FERMT1: variants seen among roughly 807,000 people sequenced by gnomAD.
The protein encoded by FERMT1 is FERM domain containing kindlin 1.
Under a neutral mutation model 85.3 loss-of-function variants are expected in FERMT1, and 60 were observed. The observed-to-expected ratio is 0.70, with a 90% confidence interval of 0.57 to 0.87. The LOEUF is 0.87. Ranked by LOEUF, FERMT1 falls within the 40% of genes least tolerant of loss-of-function variation. The pLI is 0.00. For synonymous variants in FERMT1, 275 were observed against 301.1 expected (o/e 0.91, Z 0.90); for missense variants, 701 against 818.9 (o/e 0.86, Z 1.76).
chr20:6,109,697 C>G (rs149806201), intron 5 of FERMT1, among the ~76,000 whole-genome samples: 1 of 151,938 alleles, frequency 6.6e-6, no homozygotes, highest in Non-Finnish European at 1.5e-5. Context: ...GTCAGGAGTT[C>G]GAGACCAGCC....
At chr20:6,120,235 A>T (rs1186781805) in intron 1 of FERMT1, 1 of 152,214 alleles carries the variant, frequency 6.6e-6, no homozygotes, top group Non-Finnish European at 1.5e-5. Context: ...ATACATATAG[A>T]TACAGGTCAT....
chr20:6,093,438 T>C (rs78838006), intron 9 of FERMT1, among the ~76,000 whole-genome samples: 73 of 152,346 alleles, frequency 4.8e-4, no homozygotes, highest in African/African-American at 1.3e-3. Context: ...CCAGCATCAC[T>C]TTCTTCATCA....
chr20:6,107,826 AG>A (rs1387827123), intron 5 of FERMT1, among the ~76,000 whole-genome samples, 192 bp from the exon 6 acceptor site: 2 of 152,164 alleles, frequency 1.3e-5, no homozygotes, highest in East Asian at 3.9e-4. Context: ...CACTGACCTG[AG>A]GCTCAAAGGA....
At chr20:6,093,683 G>A (rs947414319) in intron 9 of FERMT1, among the ~76,000 whole-genome samples, 6 of 152,242 alleles carry the variant, frequency 3.9e-5, no homozygotes, top group East Asian at 1.9e-4. Flanking sequence ...CTGACCGGGC[G>A]TGGTGGCTCA....
At chr20:6,115,666 C>T (rs1384277360) in intron 3 of FERMT1, 145 bp downstream of exon 3, 1 of 706,608 alleles carries the variant, frequency 1.4e-6, no homozygotes, top group Non-Finnish European at 2.6e-6. Context: ...TAAATGGCTG[C>T]AATACCCAGA....
intron 14 of FERMT1, 57 bp from the exon 15 acceptor site, chr20:6,077,403 AG>A (rs1460173247): frequency 1.4e-6 from 2 of 1,462,590 alleles, no homozygotes; most frequent in Non-Finnish European, 1.9e-6. Context: ...TGAAAAAAAA[AG>A]TGCTTTGCTG....
intron 1 of FERMT1, among the ~76,000 whole-genome samples, chr20:6,119,915 T>C (rs1200386614): frequency 6.6e-6 from 1 of 152,210 alleles, no homozygotes; most frequent in African/African-American, 2.4e-5. Context: ...TCAACTATTC[T>C]GGCAATAGGC....
At chr20:6,115,021 A>AAT (rs1983059342) in intron 3 of FERMT1, among the ~76,000 whole-genome samples, 2 of 152,240 alleles carry the variant, frequency 1.3e-5, no homozygotes, top group African/African-American at 4.8e-5. Flanking sequence ...CCTGGGACAC[A>AAT]GTAGGTGCTC....
rs1052570495 is a variant in FERMT1 at position 6,075,867 on chromosome 20, T to C, written c.*1306A>G. ...ATTGTCTGATATTTCCCTTTACTTC[T>C]GGTATTGCTTTTGACCTTCTCAAAA... On this transcript the variant is annotated 3_prime_UTR_variant, in exon 15 of 15. Coordinates refer to ENST00000217289, the MANE Select transcript of FERMT1 (RefSeq NM_017671.5). The C allele has an allele frequency of 1.3e-5, 2 of 152,396 alleles. No homozygotes were observed. The highest frequency in any genetic ancestry group is 4.8e-5 in the African/African-American group (2 of 41,462). 9.4% of individuals were successfully genotyped at this position (152,396 alleles called of 1,614,324 possible). A position where few individuals can be genotyped will look rare whatever the true frequency, so the allele number is the denominator to read the frequency against.
chr20:6,119,659 G>T (rs959154697), intron 1 of FERMT1, 87 bp from the exon 2 acceptor site: 6 of 1,181,364 alleles, frequency 5.1e-6, no homozygotes, highest in Non-Finnish European at 7.3e-6. Flanking sequence ...TTTCTTTTTT[G>T]TTTTGTTTTT....
At chr20:6,112,026 GTTAT>G (rs745814788) in intron 4 of FERMT1, among the ~76,000 whole-genome samples, 13 of 151,680 alleles carry the variant, frequency 8.6e-5, no homozygotes, top group Non-Finnish European at 1.8e-4. Flanking sequence ...GCATGCCCAG[GTTAT>G]TTATTTATTT....
chr20:6,100,355 C>T (rs907542624), intron 6 of FERMT1, among the ~76,000 whole-genome samples: 1 of 152,072 alleles, frequency 6.6e-6, no homozygotes. Context: ...TAAAGTACCA[C>T]ATTTTGTGTA....
intron 4 of FERMT1, among the ~76,000 whole-genome samples, chr20:6,111,098 G>A (rs575997741): frequency 5.3e-5 from 8 of 151,834 alleles, no homozygotes; most frequent in East Asian, 3.9e-4. Context: ...CACCACACCC[G>A]GCTAATGGAG....
At chr20:6,096,284 G>A (rs1982496547) in intron 8 of FERMT1, among the ~76,000 whole-genome samples, 1 of 152,124 alleles carries the variant, frequency 6.6e-6, no homozygotes, top group Admixed American at 6.5e-5. Context: ...TCAACACTTT[G>A]GGATGCTGAG....
chr20:6,087,890 G>A lies in FERMT1; in HGVS notation c.1265-7C>T, dbSNP rs572435673. 3 of 1,551,214 alleles carry A rather than the reference G, an allele frequency of 1.9e-6. No individual in the cohort carries two copies. In the South Asian group the frequency reaches 3.3e-5, roughly 17 times the overall value. ...TCGGGCACAACTTCGCAGCCTGAAG[G>A]ACAAAGATCAGAGACAAAACTGAGT... On this transcript the variant is annotated splice_region_variant and splice_polypyrimidine_tract_variant and intron_variant, in intron 10 of 14. Transcript: ENST00000217289.
Position 6,076,162 on chromosome 20 carries a change from C to T in FERMT1, c.*1011G>A, listed in dbSNP as rs1365612339. 2.3e-5 allele frequency: 6 copies of T among 265,096 alleles called. No individual in the cohort carries two copies. In the East Asian group the frequency reaches 6.0e-4, roughly 27 times the overall value. The allele number at this position is 265,096 out of a possible 1,614,324, so 16.4% of individuals were successfully genotyped here. On this transcript the variant is annotated 3_prime_UTR_variant, in exon 15 of 15. Transcript: ENST00000217289. ...CGATAAGAGGGACGCTTCCCCATGA[C>T]CCAGACCAGCCTAAAGCCCCTGTGG... is the stretch of plus-strand genomic sequence containing the variant.
At position 6,092,239 on chromosome 20, in the gene FERMT1, A is replaced by T. The variant is rs1454014852; in HGVS notation, c.1139+2700T>A. Among the ~76,000 whole-genome samples, 46 of 152,168 alleles carry T rather than the reference A, an allele frequency of 3.0e-4. 1 individual carries two copies. The highest frequency in any genetic ancestry group is 3.0e-3 in the Admixed American group (46 of 15,276). ...CAGGATTCCCTTATTACATAAACACATAAGACATTTAAATTTGTATCTAGG... is the reference window on the plus strand; with the variant it reads ...CAGGATTCCCTTATTACATAAACACTTAAGACATTTAAATTTGTATCTAGG... On this transcript the variant is annotated intron_variant, in intron 9 of 14. Transcript: ENST00000217289.
At chr20:6,082,940 G>A (rs1225489079) in intron 13 of FERMT1, among the ~76,000 whole-genome samples, 2 of 152,124 alleles carry the variant, frequency 1.3e-5, no homozygotes, top group African/African-American at 4.8e-5. Context: ...GATTACAGGC[G>A]TGAGCCACCG....
At chr20:6,080,582 G>GTGA (rs1273149074) in intron 13 of FERMT1, among the ~76,000 whole-genome samples, 1 of 152,214 alleles carries the variant, frequency 6.6e-6, no homozygotes, top group Non-Finnish European at 1.5e-5. Flanking sequence ...GACCGGCTCT[G>GTGA]TGATGGTGGT....
Sources: allele counts gnomAD v4.1 joint callset (sites outside exome capture counted in the v4.1 genomes callset), GRCh38; gene constraint gnomAD v4.1.1; transcripts MANE v1.5; gene names NCBI Gene and HGNC (gene_info 2026-07-23, HGNC 2026-07-21).